TMEM132B: variants seen among roughly 807,000 people sequenced by gnomAD.
TMEM132B encodes transmembrane protein 132B.
TMEM132B carries 18 observed loss-of-function variants against 90.8 expected under a neutral mutation model. The observed-to-expected ratio is 0.20, with a 90% CI of 0.14 to 0.29. TMEM132B has a LOEUF of 0.29. Among genes scored for constraint, TMEM132B ranks in the 10% least tolerant of loss-of-function variants. TMEM132B has a pLI of 1.00. For synonymous variants in TMEM132B, 504 were observed against 523.3 expected (o/e 0.96, Z 0.50); for missense variants, 1,096 against 1,326.8 (o/e 0.83, Z 2.70).
At chr12:125,334,473 A>G (rs1876889950) in intron 1 of TMEM132B, among the ~76,000 whole-genome samples, 1 of 152,230 alleles carries the variant, frequency 6.6e-6, no homozygotes, top group African/African-American at 2.4e-5. Context: ...GCTGGAAGGA[A>G]TACAGGAAGT....
intron 1 of TMEM132B, among the ~76,000 whole-genome samples, chr12:125,262,540 GGCGT>G (rs1191343382): frequency 2.0e-5 from 3 of 152,262 alleles, no homozygotes; most frequent in Non-Finnish European, 4.4e-5. Flanking sequence ...CTTTAGTTAA[GGCGT>G]GGGCTTGCCA....
intron 1 of TMEM132B, among the ~76,000 whole-genome samples, chr12:125,237,730 T>G (rs751977691): frequency 1.3e-5 from 2 of 152,238 alleles, no homozygotes; most frequent in African/African-American, 2.4e-5. Flanking sequence ...ATTGCAGGTG[T>G]GAGCCACCAT....
intron 4 of TMEM132B, among the ~76,000 whole-genome samples, chr12:125,528,183 A>G (rs550874482): frequency 5.3e-5 from 8 of 151,632 alleles, no homozygotes; most frequent in African/African-American, 1.7e-4. Context: ...TTTTCCTTCA[A>G]TGGTGTCCCT....
Position 125,659,934 on chromosome 12 carries a change from T to G in TMEM132B, c.*5224T>G, listed in dbSNP as rs1249097815. On this transcript the variant is annotated 3_prime_UTR_variant, in exon 9 of 9. Coordinates refer to ENST00000682704, the MANE Select transcript of TMEM132B (RefSeq NM_001366854.1). ...AGCACTTTGGGTAACTGTTTTGCACTAACAGCTTCCTCCTTGTCTTTTCCC... is the reference window on the plus strand; with the variant it reads ...AGCACTTTGGGTAACTGTTTTGCACGAACAGCTTCCTCCTTGTCTTTTCCC... 1 of 152,236 alleles carries G rather than the reference T, an allele frequency of 6.6e-6. No individual in the cohort carries two copies. The highest frequency in any genetic ancestry group is 1.5e-5 in the Non-Finnish European group (1 of 68,076). The allele number at this position is 152,236 out of a possible 1,614,324, so 9.4% of individuals were successfully genotyped here.
chr12:125,225,691 C>T (rs963118189), intron 1 of TMEM132B, among the ~76,000 whole-genome samples: 1 of 152,190 alleles, frequency 6.6e-6, no homozygotes, highest in Non-Finnish European at 1.5e-5. Context: ...AGGGTTCTTT[C>T]ATCTTGCAGC....
chr12:125,580,953 A>G (rs1389352959), intron 4 of TMEM132B, among the ~76,000 whole-genome samples: 3 of 152,182 alleles, frequency 2.0e-5, no homozygotes, highest in Non-Finnish European at 2.9e-5. Flanking sequence ...TTACCATGCT[A>G]AATTGCTTTC....
intron 1 of TMEM132B, among the ~76,000 whole-genome samples, chr12:125,347,584 A>G (rs774292583): frequency 1.3e-5 from 2 of 152,222 alleles, no homozygotes; most frequent in African/African-American, 2.4e-5. Flanking sequence ...ATACGCCACC[A>G]GGAGCCAGAG....
At chr12:125,621,078 C>A (rs1405279860) in intron 5 of TMEM132B, among the ~76,000 whole-genome samples, 2 of 152,168 alleles carry the variant, frequency 1.3e-5, no homozygotes. Flanking sequence ...TCCATAAATA[C>A]ATTTTGAGTC....
At chr12:125,313,579 C>T (rs1876174114) in intron 1 of TMEM132B, among the ~76,000 whole-genome samples, 1 of 80,814 alleles carries the variant, frequency 1.2e-5, no homozygotes, top group Non-Finnish European at 2.5e-5. Flanking sequence ...CTCCTTTCCC[C>T]TCCCCTCCCC....
chr12:125,203,127 TA>T (rs1380502288), intron 1 of TMEM132B, among the ~76,000 whole-genome samples: 2 of 152,338 alleles, frequency 1.3e-5, no homozygotes, highest in Non-Finnish European at 2.9e-5. Context: ...GTTGCATGAA[TA>T]TTTTTTTATT....
chr12:125,554,858 T>C (rs991250480), intron 4 of TMEM132B, among the ~76,000 whole-genome samples: 1 of 152,254 alleles, frequency 6.6e-6, no homozygotes, highest in African/African-American at 2.4e-5. Context: ...AATTTTACTT[T>C]GTATTTCTTT....
chr12:125,299,581 C>T (rs1019772906), intron 1 of TMEM132B, among the ~76,000 whole-genome samples: 1 of 152,228 alleles, frequency 6.6e-6, no homozygotes, highest in Admixed American at 6.5e-5. Context: ...TAGCCCCATG[C>T]AGCCTGTGCA....
chr12:125,511,572 C>T (rs537569509), intron 3 of TMEM132B, among the ~76,000 whole-genome samples: 88 of 151,870 alleles, frequency 5.8e-4, no homozygotes, highest in Admixed American at 1.4e-3. Context: ...CATCCCAGGC[C>T]GGGCACGGTG....
intron 3 of TMEM132B, among the ~76,000 whole-genome samples, chr12:125,472,280 T>C (rs560909140): frequency 1.3e-5 from 2 of 152,268 alleles, no homozygotes; most frequent in East Asian, 3.9e-4. Flanking sequence ...GGATGTGTGG[T>C]TGGCAAGCTC....
At chr12:125,194,271 T>A (rs6488991) in intron 1 of TMEM132B, among the ~76,000 whole-genome samples, 7 of 148,762 alleles carry the variant, frequency 4.7e-5, no homozygotes, top group South Asian at 2.1e-4. Flanking sequence ...AACCCGTTGG[T>A]GGGGGGGTCT....
At chr12:125,190,930 G>A (rs1457471779) in intron 1 of TMEM132B, among the ~76,000 whole-genome samples, 1 of 56,308 alleles carries the variant, frequency 1.8e-5, no homozygotes. Flanking sequence ...GGGTGGTGAT[G>A]GTGACGGGGA....
At position 125,213,063 on chromosome 12, in the gene TMEM132B, C is replaced by T. The variant is rs12296703; in HGVS notation, c.67+26197C>T. On this transcript the variant is annotated intron_variant, in intron 1 of 8. Coordinates refer to ENST00000682704, the MANE Select transcript of TMEM132B (RefSeq NM_001366854.1). The surrounding 1 kb of genome is among the most constrained non-coding windows in gnomAD (Gnocchi z 4.2). ...CATCCTCCCAAATGGAAGTCCCGTA[C>T]CCACTAGCGGTCACTCCCTACTGCC... Among the ~76,000 whole-genome samples, 4,477 of 152,286 alleles carry T rather than the reference C, an allele frequency of 0.029. 218 individuals are homozygous for T. Among genetic ancestry groups the T allele is most frequent in the African/African-American group, 0.1 (4,275 of 41,540 alleles).
intron 1 of TMEM132B, among the ~76,000 whole-genome samples, chr12:125,281,065 C>A (rs1029628409): frequency 2.5e-4 from 38 of 152,198 alleles, no homozygotes; most frequent in African/African-American, 9.2e-4. Context: ...GCATTTTGGC[C>A]TTGGGGTGGA....
chr12:125,603,800 C>G (rs913124777), intron 5 of TMEM132B, among the ~76,000 whole-genome samples: 1 of 152,182 alleles, frequency 6.6e-6, no homozygotes, highest in Non-Finnish European at 1.5e-5. Context: ...TGAACAGACA[C>G]TTCTCGAAAG....
Sources: allele counts gnomAD v4.1 joint callset (sites outside exome capture counted in the v4.1 genomes callset), GRCh38; gene constraint gnomAD v4.1.1; non-coding constraint Gnocchi (gnomAD v3.1); transcripts MANE v1.5; gene names NCBI Gene and HGNC (gene_info 2026-07-23, HGNC 2026-07-21).